The following IMPG1 variants were observed in gnomAD, a reference collection of about 807,000 sequenced individuals.
IMPG1 encodes interphotoreceptor matrix proteoglycan of 150 kDa.
Under a neutral mutation model 92.0 loss-of-function variants are expected in IMPG1, and 85 were observed. The ratio of observed to expected loss-of-function variants is 0.92; its 90% CI spans 0.78 to 1.11. IMPG1 has a LOEUF of 1.11. Ranked by LOEUF, IMPG1 falls within the 50% of genes least tolerant of loss-of-function variation. The pLI, the probability that IMPG1 is intolerant of heterozygous loss-of-function variation, is 0.00. For synonymous variants in IMPG1, 367 were observed against 334.1 expected (o/e 1.10, Z -1.08); for missense variants, 1,022 against 956.0 (o/e 1.07, Z -0.91).
At chr6:76,050,634 C>A (rs965777416) in intron 1 of IMPG1, among the ~76,000 whole-genome samples, 3 of 152,092 alleles carry the variant, frequency 2.0e-5, no homozygotes, top group African/African-American at 7.2e-5. Context: ...TATTTTTTTC[C>A]TTCCAGTACC....
chr6:75,993,489 G>A (rs1235265116), intron 12 of IMPG1, among the ~76,000 whole-genome samples: 1 of 148,160 alleles, frequency 6.7e-6, no homozygotes. Flanking sequence ...AGAGAGAAAG[G>A]GAGAGAAAGG....
chr6:75,950,739 A>G lies in IMPG1; in HGVS notation c.1647T>C (p.Asp549=), dbSNP rs1782012499. The G allele has an allele frequency of 1.2e-6, 2 of 1,614,014 alleles. No individual in the cohort carries two copies. The highest frequency in any genetic ancestry group is 2.7e-5 in the African/African-American group (2 of 75,052). ...YVSVPDHFLE[D]TTPVSALQYI... ...ACTGTAAAGCTGAGACAGGAGTGGT[A>G]TCCTCCAAGAAATGATCTGGGACAG... Residue 549 remains aspartate (D), a synonymous_variant, in exon 13 of 17, where the codon GAT becomes GAC. Transcript: ENST00000369950.
intron 12 of IMPG1, among the ~76,000 whole-genome samples, chr6:75,988,669 T>C (rs577535268): frequency 6.6e-6 from 1 of 152,332 alleles, no homozygotes; most frequent in Admixed American, 6.5e-5. Flanking sequence ...TTTGTCCAAC[T>C]TAAAAGATGA....
intron 12 of IMPG1, among the ~76,000 whole-genome samples, chr6:76,001,926 T>C (rs1169849586): frequency 3.9e-5 from 6 of 152,222 alleles, no homozygotes; most frequent in Non-Finnish European, 5.9e-5. Context: ...TCATACCATA[T>C]ATGTATTCCT....
intron 16 of IMPG1, among the ~76,000 whole-genome samples, chr6:75,923,406 A>G (rs531998873): frequency 3.3e-4 from 50 of 152,258 alleles, no homozygotes; most frequent in African/African-American, 1.0e-3. Flanking sequence ...ATATTATAAA[A>G]TACTTGGATT....
intron 12 of IMPG1, among the ~76,000 whole-genome samples, chr6:75,973,799 G>A (rs1782460579): frequency 6.6e-6 from 1 of 152,172 alleles, no homozygotes; most frequent in South Asian, 2.1e-4. Flanking sequence ...TTGAAAGCAT[G>A]CCAAGTGCTG....
intron 2 of IMPG1, among the ~76,000 whole-genome samples, chr6:76,040,591 G>T (rs182745952): frequency 1.7e-3 from 262 of 152,282 alleles, no homozygotes; most frequent in African/African-American, 5.6e-3. Flanking sequence ...GCCCTTCTAG[G>T]ACCTTAGAAT....
chr6:76,060,023 A>T (rs989862247), intron 1 of IMPG1, among the ~76,000 whole-genome samples: 1 of 152,210 alleles, frequency 6.6e-6, no homozygotes, highest in Non-Finnish European at 1.5e-5. Context: ...CTGAAGCAGA[A>T]ACTTTTCACT....
intron 15 of IMPG1, among the ~76,000 whole-genome samples, chr6:75,927,037 C>T (rs112762892): frequency 2.0e-5 from 3 of 152,110 alleles, no homozygotes; most frequent in Non-Finnish European, 2.9e-5. Flanking sequence ...CTTTAGAGAA[C>T]GCTGTTTTCA....
intron 9 of IMPG1, among the ~76,000 whole-genome samples, 184 bp from the exon 10 acceptor site, chr6:76,005,718 A>G (rs1375001697): frequency 6.6e-6 from 1 of 152,214 alleles, no homozygotes; most frequent in African/African-American, 2.4e-5. Flanking sequence ...AAAAAGAATA[A>G]ATATATCTTT....
At chr6:75,985,008 T>C (rs1782689959) in intron 12 of IMPG1, among the ~76,000 whole-genome samples, 1 of 152,232 alleles carries the variant, frequency 6.6e-6, no homozygotes, top group Non-Finnish European at 1.5e-5. Context: ...CTTTTCTTTA[T>C]AAATAACCCA....
chr6:75,973,363 A>T (rs1782454747), intron 12 of IMPG1, among the ~76,000 whole-genome samples: 1 of 151,342 alleles, frequency 6.6e-6, no homozygotes, highest in Non-Finnish European at 1.5e-5. Flanking sequence ...TTGGATTTAG[A>T]CTATTTGAAT....
intron 12 of IMPG1, among the ~76,000 whole-genome samples, chr6:76,001,980 G>A (rs1251469232): frequency 6.6e-6 from 1 of 152,166 alleles, no homozygotes; most frequent in Non-Finnish European, 1.5e-5. Flanking sequence ...ATTGCACAGT[G>A]TTTATGAGGA....
intron 1 of IMPG1, among the ~76,000 whole-genome samples, chr6:76,045,681 G>A (rs1441041950): frequency 6.6e-6 from 1 of 152,114 alleles, no homozygotes. Flanking sequence ...GTTTGTTACA[G>A]ATTTCAGTGA....
chr6:76,057,122 A>G (rs1052033499), intron 1 of IMPG1, among the ~76,000 whole-genome samples: 11 of 152,114 alleles, frequency 7.2e-5, no homozygotes, highest in African/African-American at 2.4e-4. Flanking sequence ...ATGTCGGGGA[A>G]CAACACACAT....
chr6:75,927,790 G>A (rs12661898), intron 15 of IMPG1, among the ~76,000 whole-genome samples: 10,333 of 145,964 alleles, frequency 0.071, 509 homozygotes, highest in East Asian at 0.27. Flanking sequence ...CTAGCAGGGT[G>A]CCTGGCACAT....
At position 76,067,652 on chromosome 6, in the gene IMPG1, A is replaced by C. The variant is rs573765998; in HGVS notation, c.67+4770T>G. Among the ~76,000 whole-genome samples, 4 of 152,284 alleles carry C rather than the reference A, an allele frequency of 2.6e-5. No homozygotes were observed. The East Asian group carries it at 7.7e-4, about 29-fold the overall frequency. ...CAATCTTACTGAAACTATTTCAAAAAATCAAGGAGGAGGGAATCCTTCTTA... is the reference window on the plus strand; with the variant it reads ...CAATCTTACTGAAACTATTTCAAAACATCAAGGAGGAGGGAATCCTTCTTA... On this transcript the variant is annotated intron_variant, in intron 1 of 16. Transcript: ENST00000369950.
intron 12 of IMPG1, among the ~76,000 whole-genome samples, chr6:75,952,843 G>T (rs946291310): frequency 6.6e-6 from 1 of 152,180 alleles, no homozygotes; most frequent in Non-Finnish European, 1.5e-5. Flanking sequence ...TCCAAACCAG[G>T]AGGAGAGCCC....
chr6:75,992,161 C>T (rs1339514681), intron 12 of IMPG1, among the ~76,000 whole-genome samples: 2 of 152,208 alleles, frequency 1.3e-5, no homozygotes, highest in Non-Finnish European at 2.9e-5. Context: ...GCCTTCGGAC[C>T]ATCGACTGCA....
Sources: gnomAD v4.1 joint callset for allele counts (sites outside exome capture counted in the v4.1 genomes callset) on GRCh38, gnomAD v4.1.1 for gene constraint, MANE v1.5 for transcripts, NCBI Gene and HGNC (gene_info 2026-07-23, HGNC 2026-07-21) for gene names.